Variants in DNAH7 observed in about 807,000 individuals in gnomAD.
DNAH7 encodes the protein dynein axonemal heavy chain 7, also known as axonemal beta dynein heavy chain 7.
In DNAH7, 397 loss-of-function variants were observed where a neutral mutation model predicts 444.6. The ratio of observed to expected loss-of-function variants is 0.89; its 90% CI spans 0.82 to 0.97. DNAH7 has a LOEUF of 0.97. DNAH7 is among the 50% of genes least tolerant of loss of function. The pLI, the probability that DNAH7 is intolerant of heterozygous loss-of-function variation, is 0.00. For missense variants in DNAH7, 4,902 were observed against 4,800.8 expected, an observed-to-expected ratio of 1.02 and a Z score of -0.62; for synonymous variants, 1,636 against 1,624.4, an observed-to-expected ratio of 1.01 and a Z score of -0.17.
At chr2:195,803,445 C>A (rs765452312) in intron 54 of DNAH7, among the ~76,000 whole-genome samples, 1 of 152,168 alleles carries the variant, frequency 6.6e-6, no homozygotes, top group African/African-American at 2.4e-5. Flanking sequence ...CTCTTAATGT[C>A]GAAGCTGAAC....
chr2:195,790,342 A>C (rs1695820568), intron 57 of DNAH7, among the ~76,000 whole-genome samples: 1 of 152,170 alleles, frequency 6.6e-6, no homozygotes, highest in African/African-American at 2.4e-5. Context: ...ACTCATAAAG[A>C]ACCAAAAACA....
In DNAH7 at chr2:195,988,104, G is replaced by C; in HGVS notation, c.1479C>G (p.Leu493=). ...TAATTAAAAAGTCATACTTGTCATAGAGTCTGAGGTGCTCAGTAGGTGCCA... is the reference window on the plus strand; with the variant it reads ...TAATTAAAAAGTCATACTTGTCATACAGTCTGAGGTGCTCAGTAGGTGCCA... ...ESVAPTEHLR[L]YDKYDFLITR... is the part of the protein sequence containing the mutation. The change falls in exon 13 of 65, where the codon CTC becomes CTG. Residue 493 remains leucine, a synonymous_variant. Transcript: ENST00000312428. 1.2e-6 allele frequency: 2 copies of C among 1,613,748 alleles called. No homozygotes were observed. The highest frequency in any genetic ancestry group is 4.5e-5 in the East Asian group (2 of 44,850).
chr2:195,949,440 C>T (rs1330405619), intron 19 of DNAH7, among the ~76,000 whole-genome samples: 3 of 152,104 alleles, frequency 2.0e-5, no homozygotes, highest in African/African-American at 7.2e-5. Context: ...CACACCACTA[C>T]ACCTGGCTAA....
chr2:195,744,987 G>A (rs1305789898), intron 63 of DNAH7, among the ~76,000 whole-genome samples: 2 of 152,232 alleles, frequency 1.3e-5, no homozygotes, highest in Admixed American at 6.5e-5. Context: ...CACCAGCAAC[G>A]GAACAGAGCT....
chr2:195,959,546 C>T (rs879580815), intron 18 of DNAH7, among the ~76,000 whole-genome samples: 8 of 152,146 alleles, frequency 5.3e-5, no homozygotes, highest in Non-Finnish European at 8.8e-5. Context: ...CCCAAGTGTA[C>T]GATAACACCT....
intron 10 of DNAH7, among the ~76,000 whole-genome samples, chr2:196,005,093 AC>A (rs1284383074): frequency 2.8e-4 from 42 of 151,684 alleles, no homozygotes; most frequent in African/African-American, 1.0e-3. Flanking sequence ...ACACCGTGAA[AC>A]CCCGTTTCTA....
chr2:195,740,644 T>TATAC (rs1692965573), intron 64 of DNAH7, 122 bp downstream of exon 64: 1 of 125,920 alleles, frequency 7.9e-6, no homozygotes, highest in African/African-American at 4.8e-5. Context: ...TATATATATA[T>TATAC]ACATATACAC....
At chr2:195,858,383 C>T (rs901018470) in intron 43 of DNAH7, 91 bp downstream of exon 43, 55 of 1,060,156 alleles carry the variant, frequency 5.2e-5, no homozygotes, top group Non-Finnish European at 6.6e-5. Context: ...CAGGCTAATT[C>T]GGAGAGACAA....
chr2:196,017,552 T>C (rs1439804256), intron 9 of DNAH7, among the ~76,000 whole-genome samples: 1 of 152,124 alleles, frequency 6.6e-6, no homozygotes, highest in Admixed American at 6.6e-5. Context: ...GTCACCCTAA[T>C]CAAATTAATC....
intron 38 of DNAH7, among the ~76,000 whole-genome samples, chr2:195,874,307 T>A (rs1352400776): frequency 6.6e-6 from 1 of 152,178 alleles, no homozygotes; most frequent in Non-Finnish European, 1.5e-5. Flanking sequence ...TTGGAAAATA[T>A]AAAACAGTTT....
At chr2:196,044,203 A>ATATGTGTG (rs1553611806) in intron 5 of DNAH7, among the ~76,000 whole-genome samples, 102 of 147,082 alleles carry the variant, frequency 6.9e-4, no homozygotes, top group African/African-American at 1.9e-3. Context: ...ATATATATAT[A>ATATGTGTG]TGTGTGTGTG....
intron 28 of DNAH7, among the ~76,000 whole-genome samples, chr2:195,898,366 T>C (rs753840779): frequency 6.6e-6 from 1 of 152,218 alleles, no homozygotes; most frequent in Non-Finnish European, 1.5e-5. Context: ...AAGTGTATCA[T>C]TCTGATAAAT....
chr2:196,001,898 G>C (rs757448426), intron 10 of DNAH7, 40 bp from the exon 11 acceptor site: 1 of 1,507,410 alleles, frequency 6.6e-7, no homozygotes, highest in Middle Eastern at 1.9e-4. Flanking sequence ...AGTGCTTTCA[G>C]TGAATTACTC....
At position 195,960,603 on chromosome 2, in the gene DNAH7, G is replaced by T. The variant is rs770192166; in HGVS notation, c.2548C>A (p.Arg850Ser). The change falls in exon 18 of 65, where the codon CGC (arginine) becomes AGC (serine). Residue 850 changes from arginine to serine, a missense_variant. Arg to Ser is a moderately radical substitution (Grantham distance 110). Transcript: ENST00000312428. Reference protein sequence around the residue: ...LIQVICNPGLRPRHWEAMSAI... With the variant: ...LIQVICNPGLSPRHWEAMSAI... ...GACATGGCCTCCCAGTGCCTGGGGC[G>T]CAAACCAGGATTACAGATCACTTGA... is the stretch of plus-strand genomic sequence containing the variant. 6.2e-7 allele frequency: 1 copy of T among 1,614,198 alleles called. No homozygotes were observed. Among genetic ancestry groups the T allele is most frequent in the Admixed American group, 1.7e-5 (1 of 60,024 alleles).
chr2:195,898,859 C>T (rs1017006868), intron 28 of DNAH7, among the ~76,000 whole-genome samples: 1 of 152,210 alleles, frequency 6.6e-6, no homozygotes, highest in South Asian at 2.1e-4. Flanking sequence ...GTTACTCATA[C>T]CTATAATAAT....
intron 31 of DNAH7, among the ~76,000 whole-genome samples, chr2:195,891,355 T>C (rs1428238852): frequency 6.6e-6 from 1 of 151,958 alleles, no homozygotes; most frequent in Non-Finnish European, 1.5e-5. Context: ...GTCATTCAGA[T>C]ATTCTCATTT....
chr2:195,780,810 CTT>C (rs1330874047), intron 58 of DNAH7, among the ~76,000 whole-genome samples: 2 of 151,948 alleles, frequency 1.3e-5, no homozygotes, highest in Non-Finnish European at 2.9e-5. Context: ...ATAGTAATCT[CTT>C]GAGAATTTTT....
At chr2:195,932,404 C>T (rs7563357) in intron 21 of DNAH7, among the ~76,000 whole-genome samples, 23,982 of 152,062 alleles carry the variant, frequency 0.16, 2,296 homozygotes, top group African/African-American at 0.26. Flanking sequence ...CTTGAATACC[C>T]TTTATGTCCT....
At chr2:195,863,303 T>C (rs1431860618) in intron 41 of DNAH7, among the ~76,000 whole-genome samples, 3 of 152,220 alleles carry the variant, frequency 2.0e-5, no homozygotes, top group Non-Finnish European at 4.4e-5. Flanking sequence ...TAAATGCTTA[T>C]CTGTCAAAAC....
Sources: allele counts gnomAD v4.1 joint callset (sites outside exome capture counted in the v4.1 genomes callset), GRCh38; gene constraint gnomAD v4.1.1; transcripts MANE v1.5; gene names NCBI Gene and HGNC (gene_info 2026-07-23, HGNC 2026-07-21).